The following TUSC3 variants were observed in gnomAD, a reference collection of about 807,000 sequenced individuals.
The protein encoded by TUSC3 is dolichyl-diphosphooligosaccharide--protein glycosyltransferase subunit TUSC3.
In TUSC3, 45 loss-of-function variants were observed where a neutral mutation model predicts 44.8. The observed-to-expected ratio is 1.00, with a 90% CI of 0.79 to 1.29. The LOEUF (loss-of-function observed/expected upper bound fraction) is 1.29. TUSC3 is among the 50% of genes most tolerant of loss of function. The probability of loss-of-function intolerance (pLI) is 0.00; values close to 1 mark genes in which losing one functional copy is unlikely to be tolerated. For synonymous variants in TUSC3, 212 were observed against 152.9 expected (o/e 1.39, Z -2.85); for missense variants, 519 against 437.9 (o/e 1.19, Z -1.65).
upstream of TUSC3, among the ~76,000 whole-genome samples, chr8:15,536,360 G>A (rs1020689494): frequency 1.3e-5 from 2 of 152,048 alleles, no homozygotes; most frequent in Non-Finnish European, 2.9e-5. Flanking sequence ...TGTATTAAAA[G>A]GATCACTCCA....
chr8:15,556,018 T>A (rs982374986), intron 1 of TUSC3, among the ~76,000 whole-genome samples: 41 of 151,296 alleles, frequency 2.7e-4, no homozygotes, highest in African/African-American at 8.0e-4. Context: ...ATTTTTTTTT[T>A]ATTATACTTT....
intron 1 of TUSC3, among the ~76,000 whole-genome samples, chr8:15,594,136 C>T (rs111591217): frequency 8.0e-4 from 122 of 152,214 alleles, no homozygotes; most frequent in African/African-American, 2.6e-3. Context: ...TCCCATAGTT[C>T]GCTGCAATTT....
At chr8:15,575,008 G>C (rs1803037832) in intron 1 of TUSC3, among the ~76,000 whole-genome samples, 1 of 152,008 alleles carries the variant, frequency 6.6e-6, no homozygotes. Context: ...TTTCTGCTGT[G>C]CTTCATTTTT....
intron 2 of TUSC3, among the ~76,000 whole-genome samples, chr8:15,498,669 G>A (rs894032347): frequency 4.6e-5 from 7 of 152,176 alleles, no homozygotes; most frequent in African/African-American, 1.7e-4. Flanking sequence ...TGCCTTCTTA[G>A]TCAAGCTCAG....
Position 15,748,412 on chromosome 8 carries a change from C to A in TUSC3, c.975C>A (p.Phe325Leu), listed in dbSNP as rs778870926. The stretch of plus-strand genomic sequence containing the variant: ...TGGGATTGGGCCTGGTGGTCTTCTT[C>A]TTCAGTTTTCTACTTTCAATATTTC... ...CLVGLGLVVF[F>L]FSFLLSIFRS... The change falls in exon 9 of 11, where the codon TTC becomes TTA. Residue 325 changes from phenylalanine (F) to leucine (L), a missense_variant. Phe to Leu is a conservative substitution (Grantham distance 22, BLOSUM62 0). Coordinates refer to ENST00000503731, the MANE Select transcript of TUSC3 (RefSeq NM_006765.4). The A allele has an allele frequency of 6.2e-7, 1 of 1,613,460 alleles. No individual in the cohort carries two copies. The highest frequency in any genetic ancestry group is 8.5e-7 in the Non-Finnish European group (1 of 1,179,582).
intron 1 of TUSC3, among the ~76,000 whole-genome samples, chr8:15,456,284 T>C (rs1800255903): frequency 6.6e-6 from 1 of 152,212 alleles, no homozygotes; most frequent in Non-Finnish European, 1.5e-5. Context: ...TCTCTGTGAA[T>C]TGATTTTGTT....
intron 7 of TUSC3, among the ~76,000 whole-genome samples, chr8:15,731,948 T>A (rs961930177): frequency 1.3e-5 from 2 of 152,124 alleles, no homozygotes; most frequent in Non-Finnish European, 2.9e-5. Context: ...GGAAAAGGGA[T>A]GGAAAATGTT....
intron 2 of TUSC3, among the ~76,000 whole-genome samples, chr8:15,640,653 C>G (rs1806323596): frequency 1.3e-5 from 2 of 152,088 alleles, no homozygotes; most frequent in Non-Finnish European, 2.9e-5. Context: ...AAATTTGTGG[C>G]TTTTTGTCGT....
At chr8:15,530,003 T>C (rs1477236235) in intron 2 of TUSC3, among the ~76,000 whole-genome samples, 1 of 126,150 alleles carries the variant, frequency 7.9e-6, no homozygotes, top group Non-Finnish European at 1.6e-5. Context: ...GCCAGGATGG[T>C]CTCGATCTCC....
At chr8:15,707,135 T>A (rs1208253609) in intron 6 of TUSC3, among the ~76,000 whole-genome samples, 8 of 152,034 alleles carry the variant, frequency 5.3e-5, no homozygotes, top group African/African-American at 1.7e-4. Flanking sequence ...TAATTTTATA[T>A]CAGATGGTAT....
the TUSC3 span, among the ~76,000 whole-genome samples, chr8:15,795,316 T>A: frequency 6.6e-6 from 1 of 152,302 alleles, no homozygotes; most frequent in South Asian, 2.1e-4. Flanking sequence ...GTATAATCCA[T>A]AACAACCCTG....
At chr8:15,487,071 C>T (rs1249431683) in intron 2 of TUSC3, among the ~76,000 whole-genome samples, 1 of 152,188 alleles carries the variant, frequency 6.6e-6, no homozygotes, top group African/African-American at 2.4e-5. Flanking sequence ...TCTTCTATGA[C>T]AAACCGATAA....
At chr8:15,568,064 C>G (rs1281938116) in intron 1 of TUSC3, among the ~76,000 whole-genome samples, 2 of 152,090 alleles carry the variant, frequency 1.3e-5, no homozygotes, top group Non-Finnish European at 2.9e-5. Flanking sequence ...TTCCTCTTGT[C>G]ACGATTGGCA....
chr8:15,761,310 T>G (rs1354606999), intron 10 of TUSC3, among the ~76,000 whole-genome samples: 2 of 152,180 alleles, frequency 1.3e-5, no homozygotes, highest in African/African-American at 4.8e-5. Context: ...AGAAACGGTT[T>G]GAAGTTTCTT....
At chr8:15,676,038 T>C (rs1169918108) in intron 6 of TUSC3, among the ~76,000 whole-genome samples, 1 of 152,188 alleles carries the variant, frequency 6.6e-6, no homozygotes, top group East Asian at 1.9e-4. Context: ...TGTACTAATT[T>C]ACATTCCCAC....
At chr8:15,548,793 C>A (rs953001884) in intron 1 of TUSC3, among the ~76,000 whole-genome samples, 5 of 151,834 alleles carry the variant, frequency 3.3e-5, no homozygotes, top group Non-Finnish European at 7.4e-5. Flanking sequence ...AATTCTCCTT[C>A]TACCCTATGT....
intron 1 of TUSC3, among the ~76,000 whole-genome samples, chr8:15,460,597 C>T (rs1316874445): frequency 6.6e-6 from 1 of 152,108 alleles, no homozygotes; most frequent in East Asian, 1.9e-4. Flanking sequence ...TCATAAAATC[C>T]TTGACTAAGC....
chr8:15,570,139 C>G (rs1802818738), intron 1 of TUSC3, among the ~76,000 whole-genome samples: 1 of 152,042 alleles, frequency 6.6e-6, no homozygotes, highest in Non-Finnish European at 1.5e-5. Context: ...AAATTCTTGA[C>G]TACTTTCTCA....
At chr8:15,851,083 T>C in the TUSC3 span, among the ~76,000 whole-genome samples, 3 of 152,172 alleles carry the variant, frequency 2.0e-5, no homozygotes, top group Non-Finnish European at 4.4e-5. Flanking sequence ...GACGCGACGC[T>C]TTTCGGAAGG....
Sources: gnomAD v4.1 joint callset for allele counts (sites outside exome capture counted in the v4.1 genomes callset) on GRCh38, gnomAD v4.1.1 for gene constraint, MANE v1.5 for transcripts, NCBI Gene and HGNC (gene_info 2026-07-23, HGNC 2026-07-21) for gene names.